NEURL1: variants seen among roughly 807,000 people sequenced by gnomAD.
NEURL1 encodes the protein neuralized E3 ubiquitin protein ligase 1, also known as E3 ubiquitin-protein ligase NEURL1.
A neutral mutation model predicts 41.2 loss-of-function variants in NEURL1; 26 were observed. The observed-to-expected ratio is 0.63, with a 90% CI of 0.46 to 0.87. NEURL1 has a LOEUF of 0.87. NEURL1 is among the 40% of genes least tolerant of loss of function. NEURL1 has a pLI of 0.00. For missense variants in NEURL1, 761 were observed against 871.1 expected (o/e 0.87, Z 1.59); for synonymous variants, 400 against 402.3 (o/e 0.99, Z 0.07).
intron 1 of NEURL1, among the ~76,000 whole-genome samples, chr10:103,499,186 T>C (rs1402373834): frequency 6.6e-6 from 1 of 152,118 alleles, no homozygotes; most frequent in East Asian, 1.9e-4. Flanking sequence ...GAGACACCTG[T>C]TGTTTTCAGT....
chr10:103,527,918 T>C (rs1381789189), intron 1 of NEURL1, among the ~76,000 whole-genome samples: 1 of 152,150 alleles, frequency 6.6e-6, no homozygotes, highest in African/African-American at 2.4e-5. Context: ...AGGAGCTCAG[T>C]CAGAAAACAT....
intron 1 of NEURL1, among the ~76,000 whole-genome samples, chr10:103,567,614 T>C (rs2035453375): frequency 6.6e-6 from 1 of 151,818 alleles, no homozygotes; most frequent in Admixed American, 6.6e-5. Context: ...CCCAAGCCGG[T>C]CTCCAACTCC....
chr10:103,503,788 C>CTTTTTTTTTTTTTTTTTTTTTTTT lies in NEURL1; in HGVS notation c.85+9336_85+9337insTTTTTTTTTTTTTTTTTTTTTTTT, dbSNP rs56098530. On this transcript the variant is annotated intron_variant, in intron 1 of 5. Transcript: ENST00000369780. ...AGAGCTCATGCTGTGCTCCCCCTGGCTTTTTTTTTTTTTTTTTTTTGAGAC... is the reference window on the plus strand; with the variant it reads ...AGAGCTCATGCTGTGCTCCCCCTGGCTTTTTTTTTTTTTTTTTTTTTTTTTTTTTTTTTTTTTTTTTTTTGAGAC... 1.8e-5 allele frequency among the ~76,000 whole-genome samples: 2 copies of CTTTTTTTTTTTTTTTTTTTTTTTT among 110,564 alleles called. 1 individual carries two copies. Among genetic ancestry groups the CTTTTTTTTTTTTTTTTTTTTTTTT allele is most frequent in the Non-Finnish European group, 3.5e-5 (2 of 57,744 alleles). 72.5% of individuals were successfully genotyped at this position (110,564 alleles called of 152,430 possible). A position where few individuals can be genotyped will look rare whatever the true frequency, so the allele number is the denominator to read the frequency against.
At chr10:103,499,062 C>A (rs1205542581) in intron 1 of NEURL1, among the ~76,000 whole-genome samples, 1 of 152,206 alleles carries the variant, frequency 6.6e-6, no homozygotes, top group African/African-American at 2.4e-5. Context: ...TAAGAGTACA[C>A]CTCCCATCTT....
At chr10:103,521,509 G>A (rs1413527082) in intron 1 of NEURL1, among the ~76,000 whole-genome samples, 1 of 152,134 alleles carries the variant, frequency 6.6e-6, no homozygotes, top group Non-Finnish European at 1.5e-5. Flanking sequence ...CTGACGAGTA[G>A]CAGAACAGCA....
At chr10:103,496,894 T>C (rs2033698490) in intron 1 of NEURL1, among the ~76,000 whole-genome samples, 1 of 152,160 alleles carries the variant, frequency 6.6e-6, no homozygotes, top group African/African-American at 2.4e-5. Context: ...TTGCATCTTT[T>C]TAATCTAAAA....
chr10:103,508,234 C>T lies in NEURL1; in HGVS notation c.85+13762C>T, dbSNP rs1186100103. The stretch of plus-strand genomic sequence containing the variant: ...AAAAGCATGTAACCAACCCCTCTCC[C>T]CTCCCATGACAGAATTCACAGCACA... On this transcript the variant is annotated intron_variant, in intron 1 of 5. Coordinates refer to ENST00000369780, the MANE Select transcript of NEURL1 (RefSeq NM_004210.5). This position sits in a 1 kb window ranked among gnomAD's most constrained non-coding sequence, Gnocchi z 4.3. Among the ~76,000 whole-genome samples the T allele has an allele frequency of 6.6e-6, 1 of 152,182 alleles. No individual in the cohort carries two copies. The highest frequency in any genetic ancestry group is 1.5e-5 in the Non-Finnish European group (1 of 68,028).
At chr10:103,518,781 T>C (rs1043104291) in intron 1 of NEURL1, among the ~76,000 whole-genome samples, 2 of 152,232 alleles carry the variant, frequency 1.3e-5, no homozygotes, top group African/African-American at 2.4e-5. Flanking sequence ...TTTGTTTGTT[T>C]GTACACACAC....
At chr10:103,527,496 T>C (rs770613833) in intron 1 of NEURL1, among the ~76,000 whole-genome samples, 2 of 152,210 alleles carry the variant, frequency 1.3e-5, no homozygotes, top group Non-Finnish European at 2.9e-5. Context: ...GGTTTCACCA[T>C]GTTGGCCAGG....
intron 1 of NEURL1, among the ~76,000 whole-genome samples, chr10:103,528,803 T>C (rs2034514366): frequency 6.6e-6 from 1 of 152,182 alleles, no homozygotes; most frequent in Non-Finnish European, 1.5e-5. Context: ...CTTGCCCAGT[T>C]CCTGGAAAGA....
rs1203710187 is a variant in NEURL1, at chr10:103,584,863, T to C, written c.977T>C (p.Val326Ala). ...VEHGRDERAL[V>A]FTSRPVRVAE... ...CACGGGCGCGACGAGCGCGCGCTCGTCTTCACCAGCCGGCCCGTGCGCGTG... is the reference window on the plus strand; with the variant it reads ...CACGGGCGCGACGAGCGCGCGCTCGCCTTCACCAGCCGGCCCGTGCGCGTG... Residue 326 changes from valine to alanine, a missense_variant, in exon 4 of 6, where the codon GTC becomes GCC. Physicochemically the swap from Val to Ala is moderately conservative, Grantham distance 64 (BLOSUM62 0). Coordinates refer to ENST00000369780, the MANE Select transcript of NEURL1 (RefSeq NM_004210.5). 2 of 1,240,930 alleles carry C rather than the reference T, an allele frequency of 1.6e-6. No homozygotes were observed. Among genetic ancestry groups the C allele is most frequent in the Non-Finnish European group, 2.0e-6 (2 of 980,724 alleles). 76.9% of individuals were successfully genotyped at this position (1,240,930 alleles called of 1,614,324 possible).
chr10:103,493,720 G>C lies in NEURL1; in HGVS notation c.-668G>C, dbSNP rs1346926723. On this transcript the variant is annotated 5_prime_UTR_variant, in exon 1 of 6. Transcript: ENST00000369780. ...CGTGTCACTAAGACGCTCATTCACCGGCGCAGCTGTCACCATAACAACCGG... is the reference window on the plus strand; with the variant it reads ...CGTGTCACTAAGACGCTCATTCACCCGCGCAGCTGTCACCATAACAACCGG... Among the ~76,000 whole-genome samples, 1 of 152,032 alleles carries C rather than the reference G, an allele frequency of 6.6e-6. No homozygotes were observed. The highest frequency in any genetic ancestry group is 1.5e-5 in the Non-Finnish European group (1 of 67,980).
intron 1 of NEURL1, among the ~76,000 whole-genome samples, chr10:103,513,313 A>G (rs1354971993): frequency 1.3e-5 from 2 of 152,158 alleles, no homozygotes; most frequent in African/African-American, 2.4e-5. Flanking sequence ...GCTAACATAA[A>G]CCAGCCGGAA....
chr10:103,522,013 C>T lies in NEURL1; in HGVS notation c.85+27541C>T, dbSNP rs1288179667. ...TATTACAGTCAAAGGGGGTTTTTCT[C>T]TTGTGGGCAGGGGCAGGGGTCACAA... On this transcript the variant is annotated intron_variant, in intron 1 of 5. Transcript: ENST00000369780. 2.6e-5 allele frequency among the ~76,000 whole-genome samples: 4 copies of T among 151,968 alleles called. No individual in the cohort carries two copies. The East Asian group carries it at 7.8e-4, about 29-fold the overall frequency.
intron 1 of NEURL1, among the ~76,000 whole-genome samples, chr10:103,561,207 C>T (rs1003525438): frequency 1.3e-5 from 2 of 151,956 alleles, no homozygotes; most frequent in Admixed American, 6.6e-5. Context: ...ATGGGAGCCA[C>T]AGTCTTTTTA....
At position 103,566,833 on chromosome 10, in the gene NEURL1, A is replaced by T. The variant is rs2035434285; in HGVS notation, c.86-4039A>T. ...CAACAGGAATGTAGGAGGGCTGAGG[A>T]CATGGTTTACATTTCTGTGTTTTGG... On this transcript the variant is annotated intron_variant, in intron 1 of 5. Transcript: ENST00000369780. The surrounding 1 kb of genome is among the most constrained non-coding windows in gnomAD (Gnocchi z 4.2). Among the ~76,000 whole-genome samples the T allele has an allele frequency of 6.6e-6, 1 of 152,194 alleles. No homozygotes were observed. Among genetic ancestry groups the T allele is most frequent in the Admixed American group, 6.5e-5 (1 of 15,270 alleles).
At chr10:103,562,243 C>G (rs1438185428) in intron 1 of NEURL1, among the ~76,000 whole-genome samples, 1 of 152,066 alleles carries the variant, frequency 6.6e-6, no homozygotes, top group African/African-American at 2.4e-5. Flanking sequence ...ATTAGCCAGG[C>G]GTGGTGGCTC....
intron 1 of NEURL1, among the ~76,000 whole-genome samples, chr10:103,537,086 A>ATAT (rs1193821267): frequency 6.6e-5 from 10 of 152,184 alleles, no homozygotes; most frequent in Non-Finnish European, 1.3e-4. Flanking sequence ...GTTTTAGCAT[A>ATAT]TATTAGAATT....
At chr10:103,504,498 C>G (rs914637385) in intron 1 of NEURL1, among the ~76,000 whole-genome samples, 10 of 152,148 alleles carry the variant, frequency 6.6e-5, no homozygotes, top group Admixed American at 5.9e-4. Context: ...GTGCCATTTC[C>G]CATCATATCA....
Sources: gnomAD v4.1 joint callset for allele counts (sites outside exome capture counted in the v4.1 genomes callset) on GRCh38, gnomAD v4.1.1 for gene constraint, Gnocchi (gnomAD v3.1) non-coding constraint, MANE v1.5 for transcripts, NCBI Gene and HGNC (gene_info 2026-07-23, HGNC 2026-07-21) for gene names.